Variants in TENM1 observed in about 807,000 individuals in gnomAD.
The protein encoded by TENM1 is teneurin transmembrane protein 1.
TENM1 carries 35 observed loss-of-function variants against 174.8 expected under a neutral mutation model. The observed-to-expected ratio is 0.20, with a 90% CI of 0.15 to 0.27. The LOEUF (loss-of-function observed/expected upper bound fraction) is 0.27, where lower values mean the gene tolerates loss of function less well. Among genes scored for constraint, TENM1 ranks in the 10% least tolerant of loss-of-function variants. The pLI is 1.00. For synonymous variants in TENM1, 781 were observed against 798.7 expected (o/e 0.98, Z 0.37); for missense variants, 1,633 against 2,130.1 (o/e 0.77, Z 4.59).
chrX:125,039,054 A>G, the TENM1 span, among the ~76,000 whole-genome samples: 1 of 111,776 alleles, frequency 8.9e-6, no homozygotes, highest in East Asian at 2.8e-4. Flanking sequence ...CAAGTCAGGA[A>G]GAAGTATAAC....
intron 3 of TENM1, among the ~76,000 whole-genome samples, chrX:124,747,057 CA>C (rs2053936540): frequency 9.1e-6 from 1 of 109,459 alleles, no homozygotes; most frequent in South Asian, 3.9e-4. Flanking sequence ...GAGGCTGAGG[CA>C]GGAGAATCGC....
At chrX:124,488,349 T>C (rs1346855589) in intron 20 of TENM1, among the ~76,000 whole-genome samples, 1 of 112,638 alleles carries the variant, frequency 8.9e-6, no homozygotes, top group Non-Finnish European at 1.9e-5. Flanking sequence ...AATGGTCTTA[T>C]TCTTTGGAAT....
At chrX:124,525,317 G>A (rs1458352568) in intron 16 of TENM1, among the ~76,000 whole-genome samples, 2 of 112,153 alleles carry the variant, frequency 1.8e-5, no homozygotes. Flanking sequence ...AAACACAAAC[G>A]GTTTATGGTT....
chrX:125,023,061 C>G, the TENM1 span, among the ~76,000 whole-genome samples: 1 of 111,077 alleles, frequency 9.0e-6, no homozygotes, highest in Admixed American at 9.6e-5. Flanking sequence ...TCAGCATAGA[C>G]CCCTGCTGAC....
chrX:124,730,599 C>T (rs1224579255), intron 4 of TENM1, among the ~76,000 whole-genome samples: 1 of 111,568 alleles, frequency 9.0e-6, no homozygotes, highest in Non-Finnish European at 1.9e-5. Context: ...ATCACAAAAG[C>T]GTCGTAGGAG....
At chrX:124,852,498 TA>T (rs1209850809) in intron 3 of TENM1, among the ~76,000 whole-genome samples, 1 of 110,664 alleles carries the variant, frequency 9.0e-6, no homozygotes, top group African/African-American at 3.3e-5. Flanking sequence ...CTAGAATAAA[TA>T]AAAAAATGTA....
the TENM1 span, among the ~76,000 whole-genome samples, chrX:125,173,058 G>A: frequency 9.0e-6 from 1 of 110,980 alleles, no homozygotes; most frequent in East Asian, 2.8e-4. Context: ...CATCTCTAAG[G>A]ACAGGATGAC....
chrX:124,572,747 C>A (rs775660135), intron 11 of TENM1, among the ~76,000 whole-genome samples: 2 of 110,668 alleles, frequency 1.8e-5, no homozygotes, highest in African/African-American at 6.6e-5. Flanking sequence ...AATTAGAACA[C>A]GTACTTTTTT....
chrX:124,722,982 T>C (rs773703437), intron 4 of TENM1, among the ~76,000 whole-genome samples: 2 of 111,297 alleles, frequency 1.8e-5, no homozygotes, highest in South Asian at 7.7e-4. Context: ...CTATATACTT[T>C]ATCATTAAGG....
intron 22 of TENM1, among the ~76,000 whole-genome samples, chrX:124,458,077 G>A (rs1179497493): frequency 8.9e-6 from 1 of 111,809 alleles, no homozygotes; most frequent in Non-Finnish European, 1.9e-5. Context: ...CTCCAATACT[G>A]AGAGTGCTGA....
chrX:124,603,944 G>C (rs2050089631), intron 11 of TENM1, among the ~76,000 whole-genome samples: 1 of 110,869 alleles, frequency 9.0e-6, no homozygotes, highest in Non-Finnish European at 1.9e-5. Flanking sequence ...TAAGCTATTT[G>C]CCCTATAGTA....
the TENM1 span, among the ~76,000 whole-genome samples, chrX:125,134,452 C>A: frequency 8.9e-6 from 1 of 112,058 alleles, no homozygotes; most frequent in African/African-American, 3.2e-5. Context: ...AGTCTTGTAC[C>A]CTCTTACCAT....
At chrX:124,656,074 C>T (rs1203324851) in intron 6 of TENM1, among the ~76,000 whole-genome samples, 3 of 112,187 alleles carry the variant, frequency 2.7e-5, no homozygotes, top group African/African-American at 9.7e-5. Flanking sequence ...TTTGGTTATG[C>T]AAACAATATT....
the TENM1 span, among the ~76,000 whole-genome samples, chrX:125,122,664 G>A: frequency 9.0e-6 from 1 of 111,145 alleles, no homozygotes; most frequent in East Asian, 2.8e-4. Flanking sequence ...ATCAACCATA[G>A]TAACCCAGGG....
intron 3 of TENM1, among the ~76,000 whole-genome samples, chrX:124,793,321 TA>T (rs1312518192): frequency 9.0e-6 from 1 of 111,027 alleles, no homozygotes; most frequent in East Asian, 2.8e-4. Flanking sequence ...AAAAATGAAA[TA>T]AAATAGAACA....
intron 3 of TENM1, among the ~76,000 whole-genome samples, chrX:124,843,902 A>G (rs1288273316): frequency 3.6e-5 from 4 of 111,540 alleles, no homozygotes; most frequent in Admixed American, 9.5e-5. Flanking sequence ...TTTATATTTT[A>G]TGTTCCTTTC....
At chrX:124,509,743 A>G (rs1472680719) in intron 18 of TENM1, among the ~76,000 whole-genome samples, 1 of 92,388 alleles carries the variant, frequency 1.1e-5, no homozygotes, top group Non-Finnish European at 2.1e-5. Context: ...TTTTTTAGAC[A>G]GAGTTTCACT....
At chrX:125,104,281 C>G in the TENM1 span, among the ~76,000 whole-genome samples, 1 of 111,916 alleles carries the variant, frequency 8.9e-6, no homozygotes, top group East Asian at 2.8e-4. Context: ...TGGGATAACA[C>G]TCAGAAAAAT....
intron 3 of TENM1, among the ~76,000 whole-genome samples, chrX:124,770,487 C>G (rs2054628021): frequency 9.0e-6 from 1 of 111,617 alleles, no homozygotes; most frequent in Admixed American, 9.6e-5. Flanking sequence ...CTCACTGCAA[C>G]TTCGACTTCC....
Sources: allele counts gnomAD v4.1 joint callset (sites outside exome capture counted in the v4.1 genomes callset), GRCh38; gene constraint gnomAD v4.1.1; transcripts MANE v1.5; gene names NCBI Gene and HGNC (gene_info 2026-07-23, HGNC 2026-07-21).